Variants in TMEM87B observed in about 807,000 individuals in gnomAD.
TMEM87B encodes the protein transmembrane protein 87B.
Under a neutral mutation model 80.3 loss-of-function variants are expected in TMEM87B, and 83 were observed. The ratio of observed to expected loss-of-function variants is 1.03; its 90% CI spans 0.87 to 1.24. The LOEUF is 1.24. Ranked by LOEUF, TMEM87B falls within the 50% of genes most tolerant of loss-of-function variation. The pLI is 0.00. For missense variants in TMEM87B, 625 were observed against 674.4 expected, an observed-to-expected ratio of 0.93 and a Z score of 0.81; for synonymous variants, 219 against 230.5, an observed-to-expected ratio of 0.95 and a Z score of 0.45.
chr2:112,088,264 G>T (rs1679205323), intron 9 of TMEM87B, among the ~76,000 whole-genome samples: 2 of 152,182 alleles, frequency 1.3e-5, no homozygotes, highest in African/African-American at 4.8e-5. Flanking sequence ...TCACAGCTCT[G>T]GTTATGAACA....
intron 10 of TMEM87B, among the ~76,000 whole-genome samples, chr2:112,091,511 A>G (rs1679300265): frequency 6.6e-6 from 1 of 151,140 alleles, no homozygotes; most frequent in South Asian, 2.1e-4. Flanking sequence ...TGTTGCTATC[A>G]TCACATAAAT....
At chr2:112,065,073 C>T (rs1023321601) in intron 3 of TMEM87B, among the ~76,000 whole-genome samples, 1 of 152,048 alleles carries the variant, frequency 6.6e-6, no homozygotes, top group African/African-American at 2.4e-5. Context: ...ACCCTCCTGG[C>T]AGGTTGTCTC....
chr2:112,075,937 G>A (rs2104469618), intron 5 of TMEM87B, among the ~76,000 whole-genome samples: 1 of 152,334 alleles, frequency 6.6e-6, no homozygotes, highest in Non-Finnish European at 1.5e-5. Context: ...GGAGGGCACT[G>A]GAGAATTTAC....
At chr2:112,067,648 AT>A (rs1481379100) in intron 4 of TMEM87B, among the ~76,000 whole-genome samples, 1 of 152,124 alleles carries the variant, frequency 6.6e-6, no homozygotes, top group Non-Finnish European at 1.5e-5. Context: ...CTTGCAACTT[AT>A]TTTGGCAATA....
At chr2:112,068,886 G>C (rs979545459) in intron 4 of TMEM87B, among the ~76,000 whole-genome samples, 2 of 151,948 alleles carry the variant, frequency 1.3e-5, no homozygotes, top group African/African-American at 4.8e-5. Context: ...ACATGTGCAG[G>C]TTTGTTATAT....
chr2:112,097,336 A>G (rs962806870), intron 13 of TMEM87B, 45 bp downstream of exon 13: 19 of 1,421,480 alleles, frequency 1.3e-5, no homozygotes, highest in Middle Eastern at 4.0e-4. Context: ...TATTTATACT[A>G]TTTTGTAGAA....
chr2:112,065,254 A>C (rs186338971), intron 3 of TMEM87B, among the ~76,000 whole-genome samples: 2 of 152,352 alleles, frequency 1.3e-5, no homozygotes, highest in East Asian at 3.9e-4. Flanking sequence ...ACTTCAATGT[A>C]AATTTCCTAA....
intron 9 of TMEM87B, 121 bp downstream of exon 9, chr2:112,086,225 T>C: frequency 1.5e-6 from 1 of 652,570 alleles, no homozygotes; most frequent in Non-Finnish European, 2.5e-6. Flanking sequence ...TTGGGAAAAA[T>C]CTACAAGAAC....
At position 112,116,727 on chromosome 2, in the gene TMEM87B, AAG is replaced by A. The variant is rs1680036744; in HGVS notation, c.*585_*586del. On this transcript the variant is annotated 3_prime_UTR_variant, in exon 19 of 19. Transcript: ENST00000283206. The stretch of plus-strand genomic sequence containing the variant: ...CCACCCTTTTTAAAAAATCTATACA[AAG>A]CCCTTGTTTGAGTCTCATCATGCAC... The A allele has an allele frequency of 6.6e-6, 1 of 152,170 alleles. No individual in the cohort carries two copies. Among genetic ancestry groups the A allele is most frequent in the African/African-American group, 2.4e-5 (1 of 41,370 alleles). 9.4% of individuals were successfully genotyped at this position (152,170 alleles called of 1,614,324 possible).
intron 4 of TMEM87B, among the ~76,000 whole-genome samples, chr2:112,073,227 A>G (rs977940345): frequency 1.3e-4 from 20 of 151,772 alleles, no homozygotes; most frequent in African/African-American, 4.8e-4. Flanking sequence ...TTAACTTTTC[A>G]CTGTGGGCGT....
At chr2:112,066,844 A>G in intron 3 of TMEM87B, 92 bp from the exon 4 acceptor site, 1 of 1,160,616 alleles carries the variant, frequency 8.6e-7, no homozygotes, top group Non-Finnish European at 1.2e-6. Context: ...AACTGAATAT[A>G]CTTTTGGTAT....
At chr2:112,115,429 C>T (rs1679996138) in intron 18 of TMEM87B, among the ~76,000 whole-genome samples, 1 of 141,304 alleles carries the variant, frequency 7.1e-6, no homozygotes, top group African/African-American at 2.8e-5. Flanking sequence ...TGTAGCATTA[C>T]AGAAAGATTC....
At chr2:112,099,104 A>C (rs898854051) in intron 14 of TMEM87B, among the ~76,000 whole-genome samples, 1 of 152,210 alleles carries the variant, frequency 6.6e-6, no homozygotes, top group African/African-American at 2.4e-5. Flanking sequence ...AGTACGGCCA[A>C]AATGACAAAA....
intron 3 of TMEM87B, among the ~76,000 whole-genome samples, chr2:112,065,909 T>G (rs1021869459): frequency 2.0e-5 from 3 of 152,254 alleles, no homozygotes; most frequent in African/African-American, 7.2e-5. Context: ...TTCTGATGTT[T>G]ATTCATGATC....
At chr2:112,077,052 A>AG in intron 5 of TMEM87B, 140 bp from the exon 6 acceptor site, 2 of 478,334 alleles carry the variant, frequency 4.2e-6, no homozygotes, top group South Asian at 8.1e-5. Flanking sequence ...AAAAAAAAAA[A>AG]AAAAGGAAAA....
intron 1 of TMEM87B, 39 bp downstream of exon 1, chr2:112,055,795 G>A: frequency 6.9e-7 from 1 of 1,447,504 alleles, no homozygotes; most frequent in East Asian, 2.7e-5. Flanking sequence ...GCACGTCTCG[G>A]GCCGTCAGGG....
rs186525649 is a variant in TMEM87B, at chr2:112,119,001, T to G, written c.*2858T>G. Reference sequence around the variant, plus strand: ...TTTAACATATTGGTTAATATACTGGTTAATATACTGGTTAAACATATTGAA... The same window carrying G: ...TTTAACATATTGGTTAATATACTGGGTAATATACTGGTTAAACATATTGAA... On this transcript the variant is annotated 3_prime_UTR_variant, in exon 19 of 19. Transcript: ENST00000283206. 2.2e-4 allele frequency: 34 copies of G among 152,294 alleles called. No homozygotes were observed. Among genetic ancestry groups the G allele is most frequent in the African/African-American group, 8.2e-4 (34 of 41,572 alleles). The allele number at this position is 152,294 out of a possible 1,614,324, so 9.4% of individuals were successfully genotyped here. A position where few individuals can be genotyped will look rare whatever the true frequency, so the allele number is the denominator to read the frequency against.
At chr2:112,065,830 G>T (rs1482159167) in intron 3 of TMEM87B, among the ~76,000 whole-genome samples, 3 of 151,804 alleles carry the variant, frequency 2.0e-5, no homozygotes, top group Non-Finnish European at 4.4e-5. Flanking sequence ...TTTTTGGTGT[G>T]TCATGGCATT....
chr2:112,106,684 A>G (rs60055516), intron 16 of TMEM87B, among the ~76,000 whole-genome samples: 1,916 of 152,296 alleles, frequency 0.013, 46 homozygotes, highest in African/African-American at 0.043. Flanking sequence ...TGAAGACAAC[A>G]ATGTAAAATG....
Sources: allele counts gnomAD v4.1 joint callset (sites outside exome capture counted in the v4.1 genomes callset), GRCh38; gene constraint gnomAD v4.1.1; transcripts MANE v1.5; gene names NCBI Gene and HGNC (gene_info 2026-07-23, HGNC 2026-07-21).